Variants in GRIA1 observed in about 807,000 individuals in gnomAD.
The protein encoded by GRIA1 is glutamate ionotropic receptor AMPA type subunit 1.
GRIA1 carries 31 observed loss-of-function variants against 99.2 expected under a neutral mutation model. The observed-to-expected ratio is 0.31, with a 90% CI of 0.23 to 0.42. GRIA1 has a LOEUF of 0.42. Among genes scored for constraint, GRIA1 ranks in the 10% least tolerant of loss-of-function variants. The pLI is 1.00. For missense variants in GRIA1, 782 were observed against 1,157.5 expected (o/e 0.68, Z 4.71); for synonymous variants, 438 against 432.4 (o/e 1.01, Z -0.16).
chr5:153,774,081 CA>C (rs1554126526), intron 13 of GRIA1, among the ~76,000 whole-genome samples: 1,643 of 40,670 alleles, frequency 0.04, 64 homozygotes, highest in East Asian at 0.083. Context: ...CCTCCCCCCA[CA>C]CACACACACA....
chr5:153,492,184 T>C, intron 1 of GRIA1: 1 of 1,523,906 alleles, frequency 6.6e-7, no homozygotes, highest in Admixed American at 2.0e-5. Context: ...GCAATTGATA[T>C]TTTGTCGGGC....
intron 2 of GRIA1, among the ~76,000 whole-genome samples, chr5:153,614,045 G>A (rs116026552): frequency 0.025 from 3,797 of 152,174 alleles, 75 homozygotes; most frequent in Non-Finnish European, 0.036. Context: ...CTCGCTGCTC[G>A]GACAGTTTTT....
chr5:153,756,232 A>C (rs1352990604), intron 11 of GRIA1, among the ~76,000 whole-genome samples: 1 of 152,226 alleles, frequency 6.6e-6, no homozygotes, highest in African/African-American at 2.4e-5. Flanking sequence ...TCCATCCCAC[A>C]GCAGATCCAG....
At chr5:153,582,775 C>T (rs1763153422) in intron 2 of GRIA1, among the ~76,000 whole-genome samples, 1 of 151,776 alleles carries the variant, frequency 6.6e-6, no homozygotes, top group Non-Finnish European at 1.5e-5. Flanking sequence ...ATGCGTTTCC[C>T]ACTCCTTCCC....
At chr5:153,735,917 A>G (rs1031459093) in intron 11 of GRIA1, among the ~76,000 whole-genome samples, 2 of 152,198 alleles carry the variant, frequency 1.3e-5, no homozygotes, top group African/African-American at 4.8e-5. Context: ...TTCAATTTCC[A>G]ACATGTTAGG....
chr5:153,608,480 A>G (rs1241281576), intron 2 of GRIA1, among the ~76,000 whole-genome samples: 2 of 151,986 alleles, frequency 1.3e-5, no homozygotes, highest in African/African-American at 2.4e-5. Flanking sequence ...CTTCTGATCT[A>G]TCTTGATGTT....
Position 153,705,693 on chromosome 5 carries a change from T to TTTTTTTTTTC in GRIA1, c.1453-4_1453-3insTTTTTTTTTC. ...TTTTTTTTTTTTTTTTTTTTTTTTT[T>TTTTTTTTTTC]CAGAGAGCAGATGTGGCTGTGGCTC... On this transcript the variant is annotated splice_polypyrimidine_tract_variant and splice_region_variant and intron_variant, in intron 10 of 15. Transcript: ENST00000285900. 9.1e-7 allele frequency: 1 copy of TTTTTTTTTTC among 1,101,464 alleles called. No homozygotes were observed. 68.2% of individuals were successfully genotyped at this position (1,101,464 alleles called of 1,614,324 possible). A position where few individuals can be genotyped will look rare whatever the true frequency, so the allele number is the denominator to read the frequency against.
chr5:153,690,191 G>T (rs182046010), intron 8 of GRIA1, among the ~76,000 whole-genome samples: 1 of 151,896 alleles, frequency 6.6e-6, no homozygotes, highest in African/African-American at 2.4e-5. Flanking sequence ...TGGTTGGTGC[G>T]TAAAGAGTTT....
intron 10 of GRIA1, among the ~76,000 whole-genome samples, chr5:153,704,206 G>GT (rs1463567166): frequency 6.6e-6 from 1 of 152,252 alleles, no homozygotes; most frequent in African/African-American, 2.4e-5. Context: ...CAGCCAACTG[G>GT]TGGGTGGTCA....
chr5:153,705,516 C>A (rs1000013448), intron 10 of GRIA1, among the ~76,000 whole-genome samples, 181 bp from the exon 11 acceptor site: 1 of 152,058 alleles, frequency 6.6e-6, no homozygotes, highest in Non-Finnish European at 1.5e-5. Context: ...ATTGAGCTGA[C>A]CATCCATTCA....
At chr5:153,544,039 G>T (rs919641676) in intron 2 of GRIA1, among the ~76,000 whole-genome samples, 1 of 152,154 alleles carries the variant, frequency 6.6e-6, no homozygotes, top group East Asian at 1.9e-4. Context: ...TGATATCTGA[G>T]CAGGGCCTGA....
intron 2 of GRIA1, among the ~76,000 whole-genome samples, chr5:153,538,078 T>C (rs557077274): frequency 1.2e-3 from 179 of 152,276 alleles, no homozygotes; most frequent in Non-Finnish European, 2.0e-3. Flanking sequence ...TCCTATGTGA[T>C]GGTGGAAGAT....
intron 4 of GRIA1, among the ~76,000 whole-genome samples, chr5:153,650,848 C>T (rs1236579676): frequency 1.5e-5 from 2 of 136,330 alleles, no homozygotes; most frequent in African/African-American, 2.7e-5. Flanking sequence ...CACCTGAGGT[C>T]AGGAGTTCAA....
intron 11 of GRIA1, among the ~76,000 whole-genome samples, chr5:153,751,666 A>G (rs978270550): frequency 3.3e-5 from 5 of 152,270 alleles, no homozygotes; most frequent in Admixed American, 2.6e-4. Flanking sequence ...CTAAACTGTG[A>G]CATTAGAAGC....
intron 2 of GRIA1, among the ~76,000 whole-genome samples, chr5:153,583,203 G>A (rs1214566363): frequency 6.6e-6 from 1 of 152,152 alleles, no homozygotes; most frequent in African/African-American, 2.4e-5. Flanking sequence ...AAAGTGCTGG[G>A]ACTGCAAGTG....
At chr5:153,703,939 T>C (rs781019733) in intron 10 of GRIA1, among the ~76,000 whole-genome samples, 1 of 152,188 alleles carries the variant, frequency 6.6e-6, no homozygotes, top group Admixed American at 6.5e-5. Flanking sequence ...TTTCTGTTGG[T>C]TTACAAACAA....
chr5:153,766,123 A>G (rs1283291842), intron 12 of GRIA1, among the ~76,000 whole-genome samples: 1 of 152,180 alleles, frequency 6.6e-6, no homozygotes, highest in Non-Finnish European at 1.5e-5. Context: ...ACAAAGCCTT[A>G]AGCATCATTG....
In GRIA1 at chr5:153,554,004, G is replaced by C. The variant is rs1760390989; in HGVS notation, c.220+59939G>C. ...CCTTACCCTCCCCCTTCCCCACCCA[G>C]TTATTGCTCAAGATCACATAATTAT... On this transcript the variant is annotated intron_variant, in intron 2 of 15. Coordinates refer to ENST00000285900, the MANE Select transcript of GRIA1 (RefSeq NM_000827.4). Among the ~76,000 whole-genome samples, 4 of 152,070 alleles carry C rather than the reference G, an allele frequency of 2.6e-5. No individual in the cohort carries two copies. The South Asian group carries it at 8.3e-4, about 32-fold the overall frequency.
At chr5:153,808,937 C>G (rs576293249) in intron 15 of GRIA1, among the ~76,000 whole-genome samples, 1 of 152,146 alleles carries the variant, frequency 6.6e-6, no homozygotes. Flanking sequence ...TTGGCAAGCA[C>G]CAATGTTGAC....
Sources: allele counts gnomAD v4.1 joint callset (sites outside exome capture counted in the v4.1 genomes callset), GRCh38; gene constraint gnomAD v4.1.1; transcripts MANE v1.5; gene names NCBI Gene and HGNC (gene_info 2026-07-23, HGNC 2026-07-21).